The following RNF175 variants were observed in gnomAD, a reference collection of about 807,000 sequenced individuals.
The protein encoded by RNF175 is ring finger protein 175.
In RNF175, 38 loss-of-function variants were observed where a neutral mutation model predicts 50.0. The ratio of observed to expected loss-of-function variants is 0.76; its 90% CI spans 0.59 to 1.00. The LOEUF (loss-of-function observed/expected upper bound fraction) is 1.00, where lower values mean the gene tolerates loss of function less well. RNF175 is among the 50% of genes least tolerant of loss of function. The probability of loss-of-function intolerance (pLI) is 0.00; values close to 1 mark genes in which losing one functional copy is unlikely to be tolerated. For synonymous variants in RNF175, 155 were observed against 146.1 expected (o/e 1.06, Z -0.44); for missense variants, 388 against 409.6 (o/e 0.95, Z 0.46).
chr4:153,729,514 C>G (rs536356252), intron 3 of RNF175, among the ~76,000 whole-genome samples: 69 of 152,266 alleles, frequency 4.5e-4, no homozygotes, highest in African/African-American at 1.6e-3. Context: ...ACAAAAGAGT[C>G]TATGGATATA....
At position 153,720,184 on chromosome 4, in the gene RNF175, C is replaced by G. The variant is rs768079080; in HGVS notation, c.630G>C (p.Gly210=). 1.2e-6 allele frequency: 2 copies of G among 1,613,582 alleles called. No individual in the cohort carries two copies. Among genetic ancestry groups the G allele is most frequent in the South Asian group, 1.1e-5 (1 of 91,048 alleles). ...TTCAGAAAATGAAAGCAACACTTAC[C>G]CCTATAGTGGAAGCCATGTAGTCTG... is the stretch of plus-strand genomic sequence containing the variant. The part of the protein sequence containing the change: ...ICSDYMASTI[G]FYSVSRLPTR... The change falls in exon 6 of 9, where the codon GGG becomes GGC. Residue 210 remains glycine, a splice_region_variant and synonymous_variant. Coordinates refer to ENST00000347063, the MANE Select transcript of RNF175 (RefSeq NM_173662.4).
rs76311004 is a variant in RNF175 at position 153,738,980 on chromosome 4, T to C, written c.246+9665A>G. ...AATAACACTTACAGCTTTGTTGGTA[T>C]TATAGGTACCTTATAACAGAAATCC... On this transcript the variant is annotated intron_variant, in intron 3 of 8. Coordinates refer to ENST00000347063, the MANE Select transcript of RNF175 (RefSeq NM_173662.4). Among the ~76,000 whole-genome samples, 313 of 152,356 alleles carry C rather than the reference T, an allele frequency of 2.1e-3. 9 individuals are homozygous for C. In the East Asian group the frequency reaches 0.05, roughly 24 times the overall value.
intron 3 of RNF175, 31 bp from the exon 4 acceptor site, chr4:153,728,392 C>T (rs1195338243): frequency 6.2e-7 from 1 of 1,605,176 alleles, no homozygotes; most frequent in Non-Finnish European, 8.5e-7. Flanking sequence ...AAGTATCTTT[C>T]AATGACCAAG....
intron 8 of RNF175, among the ~76,000 whole-genome samples, chr4:153,711,263 G>A (rs1737554938): frequency 6.6e-6 from 1 of 152,160 alleles, no homozygotes; most frequent in South Asian, 2.1e-4. Flanking sequence ...CCAGGACAGT[G>A]GATGAACAGG....
intron 6 of RNF175, among the ~76,000 whole-genome samples, chr4:153,717,039 T>C (rs1198717723): frequency 6.6e-6 from 1 of 152,240 alleles, no homozygotes; most frequent in Non-Finnish European, 1.5e-5. Flanking sequence ...GGAGAATTTA[T>C]ATAAATTATG....
chr4:153,718,218 G>GTTGT (rs1738077940), intron 6 of RNF175, among the ~76,000 whole-genome samples: 1 of 28,692 alleles, frequency 3.5e-5, no homozygotes, highest in African/African-American at 6.5e-5. Flanking sequence ...AGTTTTTTTT[G>GTTGT]TTTGTTTGTT....
At position 153,710,417 on chromosome 4, in the gene RNF175, C is replaced by G; in HGVS notation, c.939G>C (p.Val313=). The change falls in exon 9 of 9, where the codon GTG becomes GTC. Residue 313 remains valine, a synonymous_variant. Coordinates refer to ENST00000347063, the MANE Select transcript of RNF175 (RefSeq NM_173662.4). Reference sequence around the variant, plus strand: ...TAATGCCTTGAACTATTCCTATCACCACAGGTTGCCAGGCCACCAAATAAC... The same window carrying G: ...TAATGCCTTGAACTATTCCTATCACGACAGGTTGCCAGGCCACCAAATAAC... ...WLRYLVAWQP[V]VIGIVQGIIY... 1 of 1,581,622 alleles carries G rather than the reference C, an allele frequency of 6.3e-7. No individual in the cohort carries two copies. The highest frequency in any genetic ancestry group is 8.6e-7 in the Non-Finnish European group (1 of 1,161,870).
chr4:153,717,311 G>A (rs553461643), intron 6 of RNF175, among the ~76,000 whole-genome samples: 12 of 152,136 alleles, frequency 7.9e-5, no homozygotes, highest in Non-Finnish European at 8.8e-5. Context: ...TGGTCACTAC[G>A]AGATGCTCCA....
intron 7 of RNF175, among the ~76,000 whole-genome samples, 175 bp from the exon 8 acceptor site, chr4:153,712,751 C>T (rs1737676445): frequency 1.3e-5 from 2 of 152,170 alleles, no homozygotes; most frequent in Admixed American, 6.5e-5. Flanking sequence ...CCTGGAGTCA[C>T]AGCTGCCTTC....
intron 1 of RNF175, among the ~76,000 whole-genome samples, chr4:153,758,371 G>A (rs1477078458): frequency 6.6e-6 from 1 of 152,134 alleles, no homozygotes; most frequent in African/African-American, 2.4e-5. Context: ...GCTGGTTCCT[G>A]GACCACACTG....
intron 6 of RNF175, among the ~76,000 whole-genome samples, chr4:153,716,933 C>T (rs10000608): frequency 0.015 from 2,358 of 152,304 alleles, 69 homozygotes; most frequent in African/African-American, 0.054. Context: ...AATACCTTTG[C>T]ATCAACATGT....
intron 5 of RNF175, among the ~76,000 whole-genome samples, chr4:153,720,811 A>G (rs1738291441): frequency 6.6e-6 from 1 of 152,234 alleles, no homozygotes; most frequent in South Asian, 2.1e-4. Context: ...TCTGGACAGC[A>G]GTATTTTTAA....
At chr4:153,716,439 C>A (rs1737933500) in intron 6 of RNF175, among the ~76,000 whole-genome samples, 1 of 152,184 alleles carries the variant, frequency 6.6e-6, no homozygotes, top group African/African-American at 2.4e-5. Context: ...GCATGCTGAG[C>A]AATCACCATT....
rs1247421108 is a variant in RNF175, at chr4:153,710,361, C to T, written c.*8G>A. The T allele has an allele frequency of 6.5e-7, 1 of 1,549,540 alleles. No individual in the cohort carries two copies. Among genetic ancestry groups the T allele is most frequent in the Admixed American group, 2.0e-5 (1 of 50,944 alleles). ...CCATGCAGTATGTTGCTTCTGGGGT[C>T]TGCTGTCCTATTCCAGCCCTAGTGA... On this transcript the variant is annotated 3_prime_UTR_variant, in exon 9 of 9. Transcript: ENST00000347063.
intron 3 of RNF175, among the ~76,000 whole-genome samples, chr4:153,734,801 G>A (rs2606333): frequency 0.18 from 26,666 of 148,806 alleles, 3,061 homozygotes; most frequent in Non-Finnish European, 0.25. Flanking sequence ...TCAGCCTCCC[G>A]AGTACCTGGG....
At chr4:153,719,893 C>T (rs1026253989) in intron 6 of RNF175, among the ~76,000 whole-genome samples, 6 of 152,104 alleles carry the variant, frequency 3.9e-5, no homozygotes, top group African/African-American at 1.4e-4. Flanking sequence ...TTGGAGTATG[C>T]TAGATACAAT....
intron 4 of RNF175, among the ~76,000 whole-genome samples, chr4:153,726,079 G>GTA (rs1371947305): frequency 7.8e-4 from 118 of 152,044 alleles, no homozygotes; most frequent in African/African-American, 2.8e-3. Flanking sequence ...GTGTATGTGT[G>GTA]TGTGTGTGTG....
chr4:153,724,152 A>T (rs1579050439), intron 4 of RNF175, among the ~76,000 whole-genome samples: 1 of 152,312 alleles, frequency 6.6e-6, no homozygotes, highest in East Asian at 1.9e-4. Flanking sequence ...AAGGATGAGG[A>T]TGGAGGGCGA....
At chr4:153,746,220 G>A (rs1349110874) in intron 3 of RNF175, among the ~76,000 whole-genome samples, 1 of 152,248 alleles carries the variant, frequency 6.6e-6, no homozygotes, top group Non-Finnish European at 1.5e-5. Flanking sequence ...TAGGCAAGAA[G>A]AAAGGAGTAG....
Sources: allele counts gnomAD v4.1 joint callset (sites outside exome capture counted in the v4.1 genomes callset), GRCh38; gene constraint gnomAD v4.1.1; transcripts MANE v1.5; gene names NCBI Gene and HGNC (gene_info 2026-07-23, HGNC 2026-07-21).